SLC12A7: variants seen among roughly 807,000 people sequenced by gnomAD.
SLC12A7 encodes the protein solute carrier family 12 member 7.
SLC12A7 carries 100 observed loss-of-function variants against 120.6 expected under a neutral mutation model. The observed-to-expected ratio is 0.83, with a 90% confidence interval of 0.71 to 0.98. The LOEUF is 0.98. Among genes scored for constraint, SLC12A7 ranks in the 50% least tolerant of loss-of-function variants. SLC12A7 has a pLI of 0.00. For missense variants in SLC12A7, 1,373 were observed against 1,548.1 expected (o/e 0.89, Z 1.90); for synonymous variants, 760 against 678.0 (o/e 1.12, Z -1.88).
intron 8 of SLC12A7, 80 bp from the exon 9 acceptor site, chr5:1,081,824 A>G: frequency 6.6e-7 from 1 of 1,521,542 alleles, no homozygotes; most frequent in Non-Finnish European, 8.9e-7. Flanking sequence ...ACTCCCCGGC[A>G]GGTGCCACTG....
At chr5:1,069,847 G>C (rs1429256986) in intron 17 of SLC12A7, among the ~76,000 whole-genome samples, 1 of 152,136 alleles carries the variant, frequency 6.6e-6, no homozygotes. Flanking sequence ...CAAAGTCTCA[G>C]ACCCCGATGT....
chr5:1,091,911 C>G (rs1214324136), intron 3 of SLC12A7, among the ~76,000 whole-genome samples: 1 of 151,536 alleles, frequency 6.6e-6, no homozygotes, highest in Middle Eastern at 3.2e-3. Context: ...AAGGGCTGGC[C>G]GAGCTACAGA....
At chr5:1,103,238 T>C (rs1307867534) in intron 1 of SLC12A7, among the ~76,000 whole-genome samples, 1 of 152,096 alleles carries the variant, frequency 6.6e-6, no homozygotes, top group Non-Finnish European at 1.5e-5. Flanking sequence ...AAACAGGCCC[T>C]TCATCACCCA....
chr5:1,122,186 C>CT, the SLC12A7 span, among the ~76,000 whole-genome samples: 1 of 152,184 alleles, frequency 6.6e-6, no homozygotes, highest in Non-Finnish European at 1.5e-5. Flanking sequence ...ACTTTCCCTG[C>CT]CCCCACCGCC....
upstream of SLC12A7, among the ~76,000 whole-genome samples, chr5:1,115,720 G>A (rs533263622): frequency 1.3e-5 from 2 of 152,012 alleles, no homozygotes; most frequent in Non-Finnish European, 2.9e-5. Context: ...AAAGCCACCC[G>A]CCTTCTGCCT....
intron 1 of SLC12A7, among the ~76,000 whole-genome samples, chr5:1,097,371 C>A (rs1002094145): frequency 6.6e-6 from 1 of 152,178 alleles, no homozygotes; most frequent in South Asian, 2.1e-4. Flanking sequence ...AAGATGGCAA[C>A]GCCTATCAGG....
chr5:1,123,135 G>A, the SLC12A7 span, among the ~76,000 whole-genome samples: 18 of 152,314 alleles, frequency 1.2e-4, no homozygotes, highest in Middle Eastern at 3.4e-3. Flanking sequence ...TCGGGCTCCC[G>A]GCAGTGATTT....
intron 17 of SLC12A7, among the ~76,000 whole-genome samples, chr5:1,069,013 A>T (rs1487525669): frequency 6.6e-6 from 1 of 152,192 alleles, no homozygotes; most frequent in Admixed American, 6.5e-5. Context: ...GGAAAGGGAC[A>T]TATGGGGACC....
chr5:1,051,442 C>T lies in SLC12A7; in HGVS notation c.*918G>A, dbSNP rs1381046149. On this transcript the variant is annotated 3_prime_UTR_variant, in exon 24 of 24. Coordinates refer to ENST00000264930, the MANE Select transcript of SLC12A7 (RefSeq NM_006598.3). ...GCTGTCGTGGGCTGTCGGGGGAACT[C>T]ACTGTTCACTCTGCGCGCGTGTGCC... is the stretch of plus-strand genomic sequence containing the variant. 6.5e-6 allele frequency: 1 copy of T among 153,828 alleles called. No individual in the cohort carries two copies. The highest frequency in any genetic ancestry group is 1.9e-4 in the East Asian group (1 of 5,272). 9.5% of individuals were successfully genotyped at this position (153,828 alleles called of 1,614,324 possible).
At chr5:1,153,079 A>T in the SLC12A7 span, among the ~76,000 whole-genome samples, 2 of 152,224 alleles carry the variant, frequency 1.3e-5, no homozygotes, top group Admixed American at 1.3e-4. Context: ...CATTCAGCTG[A>T]TGGTTGGCTG....
At chr5:1,103,015 A>G (rs1439339961) in intron 1 of SLC12A7, among the ~76,000 whole-genome samples, 1 of 152,120 alleles carries the variant, frequency 6.6e-6, no homozygotes, top group Non-Finnish European at 1.5e-5. Context: ...AGGTTCCAGG[A>G]TCCGAACGCC....
the SLC12A7 span, among the ~76,000 whole-genome samples, chr5:1,155,849 C>A: frequency 3.3e-5 from 5 of 151,310 alleles, no homozygotes; most frequent in Non-Finnish European, 7.4e-5. Flanking sequence ...CGGGGGTCAC[C>A]ACGAAGCGCT....
In SLC12A7 at chr5:1,077,918, G is replaced by A. The variant is rs368576140; in HGVS notation, c.1544C>T (p.Thr515Ile). 5 of 1,601,190 alleles carry A rather than the reference G, an allele frequency of 3.1e-6. No individual in the cohort carries two copies. The highest frequency in any genetic ancestry group is 3.4e-6 in the Non-Finnish European group (4 of 1,174,666). ...WVIVIGSFFS[T>I]CGAGLQSLTG... ...GAGGCTCTGCAGGCCGGCACCGCAG[G>A]TGGAGAAGAAGGAGCCGATGACGAT... The change falls in exon 12 of 24, where the codon ACC becomes ATC. Residue 515 changes from threonine to isoleucine, a missense_variant. Physicochemically the swap from Thr to Ile is moderately conservative, Grantham distance 89. Transcript: ENST00000264930.
intron 20 of SLC12A7, among the ~76,000 whole-genome samples, chr5:1,062,311 A>T (rs1736378457): frequency 6.6e-6 from 1 of 152,180 alleles, no homozygotes; most frequent in African/African-American, 2.4e-5. Context: ...TATGACTTGG[A>T]AATAACGTTA....
chr5:1,136,995 A>G, the SLC12A7 span, among the ~76,000 whole-genome samples: 4 of 90,352 alleles, frequency 4.4e-5, no homozygotes, highest in African/African-American at 3.3e-4. Flanking sequence ...CAGGACACAC[A>G]TGTGCACACA....
Position 1,051,269 on chromosome 5 carries a change from G to A in SLC12A7, c.*1091C>T, listed in dbSNP as rs935706117. 8.7e-6 allele frequency: 2 copies of A among 228,812 alleles called. No homozygotes were observed. The highest frequency in any genetic ancestry group is 1.7e-5 in the Non-Finnish European group (2 of 118,704). The allele number at this position is 228,812 out of a possible 1,614,324, so 14.2% of individuals were successfully genotyped here. On this transcript the variant is annotated 3_prime_UTR_variant, in exon 24 of 24. Transcript: ENST00000264930. ...CTCAGCCAGACAGACCTGACACCAG[G>A]CGCCACTGCTGCCTGAGGACCTCCC...
At chr5:1,099,707 A>C (rs1225470281) in intron 1 of SLC12A7, among the ~76,000 whole-genome samples, 1 of 152,206 alleles carries the variant, frequency 6.6e-6, no homozygotes, top group Non-Finnish European at 1.5e-5. Flanking sequence ...TTCACATTGT[A>C]CATCACAGCC....
At chr5:1,066,665 G>A (rs1277263870) in intron 17 of SLC12A7, among the ~76,000 whole-genome samples, 1 of 152,218 alleles carries the variant, frequency 6.6e-6, no homozygotes, top group Non-Finnish European at 1.5e-5. Flanking sequence ...TGGGTCAGAG[G>A]TGGGCCCTGA....
At chr5:1,153,299 G>C in the SLC12A7 span, among the ~76,000 whole-genome samples, 71 of 152,216 alleles carry the variant, frequency 4.7e-4, no homozygotes, top group Non-Finnish European at 2.2e-4. Context: ...AGGCCTGAAC[G>C]GGGTCTCCCA....
Sources: gnomAD v4.1 joint callset for allele counts (sites outside exome capture counted in the v4.1 genomes callset) on GRCh38, gnomAD v4.1.1 for gene constraint, MANE v1.5 for transcripts, NCBI Gene and HGNC (gene_info 2026-07-23, HGNC 2026-07-21) for gene names.